BRCA1: variants seen among roughly 807,000 people sequenced by gnomAD.
BRCA1 encodes the protein BRCA1 DNA repair associated.
A neutral mutation model predicts 173.7 loss-of-function variants in BRCA1; 140 were observed. The ratio of observed to expected loss-of-function variants is 0.81; its 90% confidence interval spans 0.70 to 0.93. The LOEUF is 0.93. Ranked by LOEUF, BRCA1 falls within the 40% of genes least tolerant of loss-of-function variation. The pLI is 0.00. For synonymous variants in BRCA1, 662 were observed against 756.0 expected (o/e 0.88, Z 2.04); for missense variants, 1,983 against 2,172.5 (o/e 0.91, Z 1.73).
intron 21 of BRCA1, among the ~76,000 whole-genome samples, chr17:43,048,027 T>C (rs913867900): frequency 6.6e-6 from 1 of 151,952 alleles, no homozygotes; most frequent in African/African-American, 2.4e-5. Flanking sequence ...CCCGGGATTA[T>C]AGGCATGAGC....
chr17:43,093,557 C>G lies in BRCA1; in HGVS notation c.1974G>C (p.Met658Ile), dbSNP rs55678461. Residue 658 changes from methionine to isoleucine, a missense_variant, in exon 10 of 23, where the codon ATG becomes ATC. By Grantham distance (10) the Met-to-Ile change is conservative (BLOSUM62 1). Coordinates refer to ENST00000357654, the MANE Select transcript of BRCA1 (RefSeq NM_007294.4). ...EEIKKKKYNQ[M>I]PVRHSRNLQL... ...GTAGGTTTCTGCTGTGCCTGACTGG[C>G]ATTTGGTTGTACTTTTTTTTCTTTA... is the stretch of plus-strand genomic sequence containing the variant. 4.5e-5 allele frequency: 72 copies of G among 1,613,890 alleles called. 1 individual carries two copies. Among genetic ancestry groups the G allele is most frequent in the Non-Finnish European group, 6.8e-6 (8 of 1,180,016 alleles).
At chr17:43,145,329 C>CT (rs1555603978) in intron 1 of BRCA1, 9,233 of 410,148 alleles carry the variant, frequency 0.023, no homozygotes, top group Non-Finnish European at 0.026. Flanking sequence ...TTTTTTCTTT[C>CT]TTTTTTTTTT....
At chr17:43,141,412 A>G (rs180918752) in intron 1 of BRCA1, among the ~76,000 whole-genome samples, 42 of 152,224 alleles carry the variant, frequency 2.8e-4, no homozygotes, top group African/African-American at 8.4e-4. Context: ...TTGAGGCTGC[A>G]GTGAGCTATG....
chr17:43,148,178 TACTC>T (rs1278764291), intron 1 of BRCA1, among the ~76,000 whole-genome samples: 1 of 152,078 alleles, frequency 6.6e-6, no homozygotes, highest in African/African-American at 2.4e-5. Flanking sequence ...TAATCCCAGA[TACTC>T]AGGAGGCTTA....
chr17:43,103,277 A>G (rs1161278442), intron 6 of BRCA1, among the ~76,000 whole-genome samples: 15 of 151,310 alleles, frequency 9.9e-5, no homozygotes, highest in Admixed American at 5.9e-4. Flanking sequence ...GACCAGCCTG[A>G]CCAATATGGT....
At position 43,100,655 on chromosome 17, in the gene BRCA1, A is replaced by AT. The variant is rs1439612969; in HGVS notation, c.442-776_442-775insA. ...TGTTATATATATATAACATATATAT[A>AT]ACATATATATATATATATATATAAT... On this transcript the variant is annotated intron_variant, in intron 6 of 22. Transcript: ENST00000357654. Among the ~76,000 whole-genome samples, 140 of 26,340 alleles carry AT rather than the reference A, an allele frequency of 5.3e-3. 5 individuals carry two copies. Among genetic ancestry groups the AT allele is most frequent in the East Asian group, 0.018 (12 of 682 alleles). The allele number at this position is 26,340 out of a possible 152,430, so 17.3% of individuals were successfully genotyped here.
At position 43,092,720 on chromosome 17, in the gene BRCA1, C is replaced by T. The variant is rs876659271; in HGVS notation, c.2811G>A (p.Lys937=). The T allele has an allele frequency of 2.5e-6, 4 of 1,614,018 alleles. No homozygotes were observed. The highest frequency in any genetic ancestry group is 1.1e-5 in the South Asian group (1 of 91,086). Residue 937 remains lysine, a synonymous_variant, in exon 10 of 23, where the codon AAG becomes AAA. Transcript: ENST00000357654. ...TACTACATTTGGCATTATCAACTGG[C>T]TTATCTTTCTGACCAACCACAGGAA... ...AGFPVVGQKD[K]PVDNAKCSIK... is the part of the protein sequence containing the mutation.
chr17:43,057,284 CAG>C, intron 18 of BRCA1, 149 bp from the exon 19 acceptor site: 1 of 754,954 alleles, frequency 1.3e-6, no homozygotes, highest in Non-Finnish European at 2.4e-6. Context: ...CTGAGGCAGG[CAG>C]ATCACTTGAG....
Position 43,045,137 on chromosome 17 carries a change from C to G in BRCA1, c.*541G>C. On this transcript the variant is annotated 3_prime_UTR_variant, in exon 23 of 23. Coordinates refer to ENST00000357654, the MANE Select transcript of BRCA1 (RefSeq NM_007294.4). ...TCCTTTTCATTTCTAATACCTGCCT[C>G]AGAATTTCCTCCCCAATGTTCCACT... The G allele has an allele frequency of 3.7e-6, 2 of 534,730 alleles. No individual in the cohort carries two copies. The highest frequency in any genetic ancestry group is 3.1e-5 in the South Asian group (2 of 65,186). 33.1% of individuals were successfully genotyped at this position (534,730 alleles called of 1,614,324 possible). A position where few individuals can be genotyped will look rare whatever the true frequency, so the allele number is the denominator to read the frequency against.
At position 43,049,462 on chromosome 17, in the gene BRCA1, G is replaced by GA. The variant is rs995803266; in HGVS notation, c.5333-269dup. Among the ~76,000 whole-genome samples the GA allele has an allele frequency of 2.3e-4, 35 of 151,138 alleles. 1 individual carries two copies. The highest frequency in any genetic ancestry group is 1.2e-3 in the Admixed American group (18 of 15,190). ...AGTCTCTCAAATAAAATGCTTGAAA[G>GA]AAAAAAAAATCAAAGATCTAATTTC... On this transcript the variant is annotated intron_variant, in intron 20 of 22. Coordinates refer to ENST00000357654, the MANE Select transcript of BRCA1 (RefSeq NM_007294.4).
chr17:43,104,005 G>A (rs1180528379), intron 6 of BRCA1, 117 bp downstream of exon 6: 2 of 1,317,630 alleles, frequency 1.5e-6, no homozygotes, highest in Non-Finnish European at 2.1e-6. Context: ...TACTAAGGGG[G>A]CTAAGGCAGG....
intron 18 of BRCA1, among the ~76,000 whole-genome samples, chr17:43,060,488 C>A (rs924793542): frequency 6.7e-6 from 1 of 150,144 alleles, no homozygotes; most frequent in Non-Finnish European, 1.5e-5. Flanking sequence ...GTGCCCGAAC[C>A]TTTTATCATT....
rs557030603 is a variant in BRCA1 at position 43,045,455 on chromosome 17, T to C, written c.*223A>G. The C allele has an allele frequency of 2.7e-6, 2 of 736,588 alleles. No homozygotes were observed. The highest frequency in any genetic ancestry group is 3.5e-5 in the African/African-American group (2 of 57,916). The allele number at this position is 736,588 out of a possible 1,614,324, so 45.6% of individuals were successfully genotyped here. On this transcript the variant is annotated 3_prime_UTR_variant, in exon 23 of 23. Transcript: ENST00000357654. Reference sequence around the variant, plus strand: ...AATCTTCTCAGGTGAAAAATTACCATAATTTTGTGCTCATGGCAGATTTCC... The same window carrying C: ...AATCTTCTCAGGTGAAAAATTACCACAATTTTGTGCTCATGGCAGATTTCC...
chr17:43,115,750 G>C lies in BRCA1; in HGVS notation c.110C>G (p.Thr37Arg), dbSNP rs80356880. 1.2e-6 allele frequency: 2 copies of C among 1,613,576 alleles called. No individual in the cohort carries two copies. Among genetic ancestry groups the C allele is most frequent in the African/African-American group, 2.7e-5 (2 of 74,904 alleles). ...CLELIKEPVS[T>R]KCDHIFCKFC... is the part of the protein sequence containing the mutation. ...CTTGCAAAATATGTGGTCACACTTT[G>C]TGGAGACAGGTTCCTTGATCAACTC... The change falls in exon 3 of 23, where the codon ACA (threonine) becomes AGA (arginine). Residue 37 changes from threonine (T) to arginine (R), a missense_variant. Transcript: ENST00000357654.
rs115632775 is a variant in BRCA1 at position 43,095,989 on chromosome 17, C to A, written c.594-67G>T. 187 of 1,285,514 alleles carry A rather than the reference C, an allele frequency of 1.5e-4. No homozygotes were observed. The African/African-American group carries it at 2.5e-3, about 17-fold the overall frequency. The allele number at this position is 1,285,514 out of a possible 1,614,324, so 79.6% of individuals were successfully genotyped here. A position where few individuals can be genotyped will look rare whatever the true frequency, so the allele number is the denominator to read the frequency against. On this transcript the variant is annotated intron_variant, in intron 8 of 22. Transcript: ENST00000357654. ...CATGTATGCAGAACTGTCAAATGAC[C>A]AAGATCAAACATTTTAGCTCTTTCG...
chr17:43,097,168 G>C (rs1001594996), intron 8 of BRCA1, 76 bp downstream of exon 8: 15 of 1,395,508 alleles, frequency 1.1e-5, no homozygotes, highest in Non-Finnish European at 1.5e-5. Flanking sequence ...TTTTTAAAAA[G>C]AGAGAAACAT....
chr17:43,119,237 C>T (rs113288336), intron 2 of BRCA1: 4 of 208,124 alleles, frequency 1.9e-5, no homozygotes, highest in East Asian at 1.4e-4. Context: ...GAGGCCAAGG[C>T]GGGCCAGCCT....
intron 2 of BRCA1, chr17:43,119,220 A>G (rs2055435107): frequency 4.7e-6 from 1 of 211,580 alleles, no homozygotes; most frequent in Admixed American, 5.9e-5. Flanking sequence ...TAATCCCAGC[A>G]TTTTGGGAGG....
At chr17:43,082,686 T>G in intron 11 of BRCA1, 111 bp from the exon 12 acceptor site, 1 of 1,178,798 alleles carries the variant, frequency 8.5e-7, no homozygotes, top group East Asian at 2.5e-5. Context: ...AATCACCTAG[T>G]ATGGAACTAC....
Sources: allele counts gnomAD v4.1 joint callset (sites outside exome capture counted in the v4.1 genomes callset), GRCh38; gene constraint gnomAD v4.1.1; transcripts MANE v1.5; gene names NCBI Gene and HGNC (gene_info 2026-07-23, HGNC 2026-07-21).